ZBBX: variants seen among roughly 807,000 people sequenced by gnomAD.
ZBBX encodes zinc finger B-box domain-containing protein 1.
ZBBX carries 101 observed loss-of-function variants against 108.5 expected under a neutral mutation model. The ratio of observed to expected loss-of-function variants is 0.93; its 90% CI spans 0.79 to 1.10. ZBBX has a LOEUF of 1.10. ZBBX is among the 50% of genes least tolerant of loss of function. The pLI, the probability that ZBBX is intolerant of heterozygous loss-of-function variation, is 0.00. For missense variants in ZBBX, 1,009 were observed against 941.4 expected (o/e 1.07, Z -0.94); for synonymous variants, 356 against 323.4 (o/e 1.10, Z -1.08).
At chr3:167,330,147 C>G (rs1301558409) in intron 10 of ZBBX, among the ~76,000 whole-genome samples, 1 of 151,896 alleles carries the variant, frequency 6.6e-6, no homozygotes, top group South Asian at 2.1e-4. Flanking sequence ...ACAGCCACTA[C>G]ATAGAATGAG....
At chr3:167,388,679 G>A (rs891618090) in intron 1 of ZBBX, among the ~76,000 whole-genome samples, 1 of 151,974 alleles carries the variant, frequency 6.6e-6, no homozygotes, top group Non-Finnish European at 1.5e-5. Context: ...TGTGTCCAGA[G>A]GGTAAAAGGT....
intron 11 of ZBBX, among the ~76,000 whole-genome samples, chr3:167,327,615 ATGGTATAAAAAAC>A (rs1737623078): frequency 1.3e-5 from 2 of 152,138 alleles, no homozygotes; most frequent in South Asian, 4.1e-4. Context: ...TAAAACATTC[ATGGTATAAAAAAC>A]CATACGGGCT....
chr3:167,397,778 C>T (rs1243806156), intron 1 of ZBBX, among the ~76,000 whole-genome samples: 1 of 151,238 alleles, frequency 6.6e-6, no homozygotes, highest in Non-Finnish European at 1.5e-5. Context: ...GGAAAAATGT[C>T]CTGCTGAATC....
intron 9 of ZBBX, among the ~76,000 whole-genome samples, chr3:167,348,197 AGAAGGAAG>A (rs1325830045): frequency 4.9e-5 from 5 of 101,782 alleles, no homozygotes; most frequent in Non-Finnish European, 9.7e-5. Context: ...GAAAGATGAA[AGAAGGAAG>A]GAAGGAAGGA....
intron 20 of ZBBX, among the ~76,000 whole-genome samples, chr3:167,281,421 C>T (rs531849709): frequency 7.6e-4 from 115 of 151,986 alleles, no homozygotes; most frequent in African/African-American, 2.7e-3. Flanking sequence ...ATAGCAAAGT[C>T]GTTACTCCAA....
intron 4 of ZBBX, among the ~76,000 whole-genome samples, chr3:167,369,220 C>T (rs140702199): frequency 3.9e-5 from 6 of 152,112 alleles, no homozygotes; most frequent in African/African-American, 1.4e-4. Flanking sequence ...TATTAGCCAC[C>T]GACTCTTTCT....
At chr3:167,188,713 CT>C in the ZBBX span, among the ~76,000 whole-genome samples, 1 of 152,100 alleles carries the variant, frequency 6.6e-6, no homozygotes, top group Non-Finnish European at 1.5e-5. Context: ...AATAACTTTC[CT>C]TTATTCATTT....
At chr3:167,221,450 A>C in the ZBBX span, among the ~76,000 whole-genome samples, 2 of 152,036 alleles carry the variant, frequency 1.3e-5, no homozygotes, top group South Asian at 2.1e-4. Context: ...GGTGCTGGGC[A>C]AACTGAATAT....
At chr3:167,303,972 A>T (rs1001752954) in intron 17 of ZBBX, among the ~76,000 whole-genome samples, 4 of 152,184 alleles carry the variant, frequency 2.6e-5, no homozygotes, top group African/African-American at 9.6e-5. Context: ...CTTCCAGGGT[A>T]ATATTTCTCT....
At chr3:167,339,915 T>C (rs917390988) in intron 9 of ZBBX, among the ~76,000 whole-genome samples, 1 of 152,024 alleles carries the variant, frequency 6.6e-6, no homozygotes, top group African/African-American at 2.4e-5. Flanking sequence ...TGAGAGTTGA[T>C]TGGTTTTCTG....
At chr3:167,388,922 A>T (rs1413174059) in intron 1 of ZBBX, among the ~76,000 whole-genome samples, 1 of 151,994 alleles carries the variant, frequency 6.6e-6, no homozygotes, top group African/African-American at 2.4e-5. Flanking sequence ...ACATTTTCTA[A>T]TGACAGTTTG....
upstream of ZBBX, among the ~76,000 whole-genome samples, chr3:167,384,367 C>G (rs1462060946): frequency 6.6e-6 from 1 of 152,072 alleles, no homozygotes; most frequent in African/African-American, 2.4e-5. Context: ...GAATATGGAA[C>G]AGAGCTGCTT....
In ZBBX at chr3:167,317,516, A is replaced by C. The variant is rs766799597; in HGVS notation, c.1065T>G (p.Ser355=). The C allele has an allele frequency of 4.3e-6, 7 of 1,609,258 alleles. No homozygotes were observed. The South Asian group carries it at 7.8e-5, about 18-fold the overall frequency. Residue 355 remains serine, a synonymous_variant, in exon 13 of 22, where the codon TCT becomes TCG. Transcript: ENST00000675490. ...CACTATCTTCATCGTTTTCATTTTG[A>C]GAACACTGTGCATCACCAGTGGTTT... ...PHETTGDAQC[S]QNENDEDSDG... is the part of the protein sequence containing the mutation.
At chr3:167,179,881 C>T in the ZBBX span, among the ~76,000 whole-genome samples, 9 of 152,278 alleles carry the variant, frequency 5.9e-5, no homozygotes, top group South Asian at 1.7e-3. Context: ...ATCGAGAATA[C>T]CCACAAAGTC....
intron 20 of ZBBX, among the ~76,000 whole-genome samples, chr3:167,280,232 G>C (rs1425499906): frequency 6.6e-6 from 1 of 151,264 alleles, no homozygotes; most frequent in Non-Finnish European, 1.5e-5. Flanking sequence ...GGCAACAACA[G>C]CCAAAATTGA....
At chr3:167,337,078 C>T (rs1408231028) in intron 9 of ZBBX, among the ~76,000 whole-genome samples, 6 of 152,150 alleles carry the variant, frequency 3.9e-5, no homozygotes, top group South Asian at 2.1e-4. Flanking sequence ...TGTGTGACTT[C>T]GGCTAACTTA....
intron 5 of ZBBX, 77 bp downstream of exon 5, chr3:167,368,384 G>A (rs1745658424): frequency 2.9e-6 from 3 of 1,032,420 alleles, no homozygotes; most frequent in Non-Finnish European, 1.4e-6. Context: ...GTTTTTATTG[G>A]AATGACAACA....
chr3:167,368,729 A>G, intron 4 of ZBBX, 155 bp from the exon 5 acceptor site: 1 of 1,279,602 alleles, frequency 7.8e-7, no homozygotes, highest in Non-Finnish European at 9.8e-7. Flanking sequence ...TTTTAAAGTT[A>G]GCATTTGCCT....
chr3:167,336,705 G>A (rs1204046795), intron 9 of ZBBX, among the ~76,000 whole-genome samples: 1 of 152,092 alleles, frequency 6.6e-6, no homozygotes, highest in Non-Finnish European at 1.5e-5. Context: ...TCCCGAAACT[G>A]AAAATATTAA....
Sources: gnomAD v4.1 joint callset for allele counts (sites outside exome capture counted in the v4.1 genomes callset) on GRCh38, gnomAD v4.1.1 for gene constraint, MANE v1.5 for transcripts, NCBI Gene and HGNC (gene_info 2026-07-23, HGNC 2026-07-21) for gene names.